Variants in SNTB1 observed in about 807,000 individuals in gnomAD.
SNTB1 encodes beta-1-syntrophin.
SNTB1 carries 36 observed loss-of-function variants against 48.9 expected under a neutral mutation model. That is an observed-to-expected ratio of 0.74 (90% confidence interval 0.56 to 0.97). The LOEUF (loss-of-function observed/expected upper bound fraction) is 0.97, where lower values mean the gene tolerates loss of function less well. Among genes scored for constraint, SNTB1 ranks in the 50% least tolerant of loss-of-function variants. SNTB1 has a pLI of 0.00. For missense variants in SNTB1, 786 were observed against 703.4 expected, an observed-to-expected ratio of 1.12 and a Z score of -1.33; for synonymous variants, 299 against 294.6, an observed-to-expected ratio of 1.01 and a Z score of -0.15.
chr8:120,743,492 A>G (rs148321982), intron 1 of SNTB1, among the ~76,000 whole-genome samples: 62 of 152,362 alleles, frequency 4.1e-4, no homozygotes, highest in African/African-American at 1.3e-3. Flanking sequence ...ATAAGGGGTC[A>G]TGCAAAGACC....
intron 2 of SNTB1, among the ~76,000 whole-genome samples, chr8:120,684,975 C>T (rs776264150): frequency 2.6e-5 from 4 of 152,170 alleles, no homozygotes; most frequent in Non-Finnish European, 5.9e-5. Flanking sequence ...TCTTAATTCT[C>T]CAGAATAATT....
chr8:120,611,169 G>C (rs1587029805), intron 3 of SNTB1, among the ~76,000 whole-genome samples: 1 of 152,176 alleles, frequency 6.6e-6, no homozygotes, highest in African/African-American at 2.4e-5. Flanking sequence ...GCTAAACAGA[G>C]TGCATATGAA....
intron 3 of SNTB1, 48 bp from the exon 4 acceptor site, chr8:120,575,273 T>C: frequency 6.2e-7 from 1 of 1,612,440 alleles, no homozygotes; most frequent in South Asian, 1.1e-5. Flanking sequence ...GAGGAAAGGA[T>C]GATTATGAGA....
intron 1 of SNTB1, among the ~76,000 whole-genome samples, chr8:120,790,951 A>C (rs1271013175): frequency 6.6e-6 from 1 of 151,908 alleles, no homozygotes; most frequent in Admixed American, 6.6e-5. Context: ...CTAAGCAAAA[A>C]GAACAAATCT....
chr8:120,788,157 C>A (rs1819958905), intron 1 of SNTB1, among the ~76,000 whole-genome samples: 1 of 152,054 alleles, frequency 6.6e-6, no homozygotes, highest in African/African-American at 2.4e-5. Flanking sequence ...GAAATATAGT[C>A]TTTTTTAGGT....
chr8:120,706,756 T>C (rs895558991), intron 1 of SNTB1, among the ~76,000 whole-genome samples: 30 of 152,192 alleles, frequency 2.0e-4, no homozygotes, highest in Non-Finnish European at 5.9e-5. Flanking sequence ...CAGGTATCTC[T>C]GGAAGATAAA....
intron 4 of SNTB1, among the ~76,000 whole-genome samples, chr8:120,550,088 A>G (rs977492497): frequency 6.6e-6 from 1 of 152,250 alleles, no homozygotes; most frequent in African/African-American, 2.4e-5. Flanking sequence ...AGTAGAATAA[A>G]GCATATTATT....
Position 120,812,006 on chromosome 8 carries a change from C to A in SNTB1, c.-163G>T, listed in dbSNP as rs1187752827. ...TCCGGGAGTTCGCAGACGCACTCGGCGGGAGTTGGCAGCTGCACTCAGGCT... is the reference window on the plus strand; with the variant it reads ...TCCGGGAGTTCGCAGACGCACTCGGAGGGAGTTGGCAGCTGCACTCAGGCT... On this transcript the variant is annotated 5_prime_UTR_variant, in exon 1 of 7. Coordinates refer to ENST00000517992, the MANE Select transcript of SNTB1 (RefSeq NM_021021.4). The A allele has an allele frequency of 2.4e-6, 3 of 1,266,216 alleles. No individual in the cohort carries two copies. In the African/African-American group the frequency reaches 4.7e-5, roughly 20 times the overall value. The allele number at this position is 1,266,216 out of a possible 1,614,324, so 78.4% of individuals were successfully genotyped here. A position where few individuals can be genotyped will look rare whatever the true frequency, so the allele number is the denominator to read the frequency against.
At chr8:120,621,148 C>G (rs916923097) in intron 3 of SNTB1, among the ~76,000 whole-genome samples, 1 of 151,800 alleles carries the variant, frequency 6.6e-6, no homozygotes, top group South Asian at 2.1e-4. Flanking sequence ...TCAGTAGAGA[C>G]GAGGTTTCAC....
chr8:120,758,102 T>C (rs187237376), intron 1 of SNTB1, among the ~76,000 whole-genome samples: 4 of 152,324 alleles, frequency 2.6e-5, no homozygotes, highest in Admixed American at 2.6e-4. Flanking sequence ...CCAGGTGATG[T>C]TGTAATAGCT....
chr8:120,685,295 T>C (rs940457183), intron 2 of SNTB1, among the ~76,000 whole-genome samples: 9 of 152,234 alleles, frequency 5.9e-5, no homozygotes, highest in Non-Finnish European at 1.2e-4. Flanking sequence ...TTCTCTTTGG[T>C]GGTCCCACCT....
intron 1 of SNTB1, 86 bp downstream of exon 1, chr8:120,811,187 G>C (rs1261564556): frequency 7.4e-6 from 11 of 1,491,434 alleles, no homozygotes; most frequent in Middle Eastern, 2.3e-4. Context: ...GCATGTGGCC[G>C]AGTGAGTGTG....
At chr8:120,664,978 T>C (rs1424550858) in intron 2 of SNTB1, among the ~76,000 whole-genome samples, 1 of 152,214 alleles carries the variant, frequency 6.6e-6, no homozygotes, top group Non-Finnish European at 1.5e-5. Context: ...CATATGAATG[T>C]AGCAGTATCT....
chr8:120,548,168 A>G (rs188420292), intron 5 of SNTB1, among the ~76,000 whole-genome samples: 1 of 152,120 alleles, frequency 6.6e-6, no homozygotes, highest in East Asian at 1.9e-4. Context: ...TCCTATTGCC[A>G]TGTGATATCC....
At chr8:120,612,616 C>T (rs1488640174) in intron 3 of SNTB1, among the ~76,000 whole-genome samples, 3 of 152,074 alleles carry the variant, frequency 2.0e-5, no homozygotes, top group Non-Finnish European at 2.9e-5. Context: ...TGCAATGGCT[C>T]GATCTCAACT....
intron 2 of SNTB1, among the ~76,000 whole-genome samples, chr8:120,640,806 C>T (rs556955872): frequency 6.6e-6 from 1 of 152,258 alleles, no homozygotes; most frequent in South Asian, 2.1e-4. Context: ...ATTTTTGCAT[C>T]ATTGTTCATC....
At chr8:120,785,320 A>G (rs1819906039) in intron 1 of SNTB1, among the ~76,000 whole-genome samples, 1 of 152,198 alleles carries the variant, frequency 6.6e-6, no homozygotes, top group Non-Finnish European at 1.5e-5. Context: ...GTCTCAGTCA[A>G]GAAGGGTTAT....
chr8:120,739,502 A>C (rs1819007881), intron 1 of SNTB1, among the ~76,000 whole-genome samples: 1 of 152,220 alleles, frequency 6.6e-6, no homozygotes, highest in Admixed American at 6.5e-5. Context: ...TAGGAACTCA[A>C]AGTGGAGAGC....
intron 3 of SNTB1, among the ~76,000 whole-genome samples, chr8:120,582,999 G>T (rs1376658727): frequency 6.6e-6 from 1 of 152,050 alleles, no homozygotes; most frequent in Non-Finnish European, 1.5e-5. Flanking sequence ...ACTGGGTGTG[G>T]TTCTCTCATC....
Sources: gnomAD v4.1 joint callset for allele counts (sites outside exome capture counted in the v4.1 genomes callset) on GRCh38, gnomAD v4.1.1 for gene constraint, MANE v1.5 for transcripts, NCBI Gene and HGNC (gene_info 2026-07-23, HGNC 2026-07-21) for gene names.